STAT6: variants seen among roughly 807,000 people sequenced by gnomAD.
The protein encoded by STAT6 is STAT, interleukin4-induced.
A neutral mutation model predicts 106.3 loss-of-function variants in STAT6; 45 were observed. The ratio of observed to expected loss-of-function variants is 0.42; its 90% confidence interval spans 0.33 to 0.54. The LOEUF (loss-of-function observed/expected upper bound fraction) is 0.54. Among genes scored for constraint, STAT6 ranks in the 20% least tolerant of loss-of-function variants. The pLI, the probability that STAT6 is intolerant of heterozygous loss-of-function variation, is 0.06. For missense variants in STAT6, 797 were observed against 1,062.2 expected, an observed-to-expected ratio of 0.75 and a Z score of 3.47; for synonymous variants, 413 against 413.6, an observed-to-expected ratio of 1.00 and a Z score of 0.02.
rs1468782823 is a variant in STAT6 at position 57,099,184 on chromosome 12, T to A, written c.1892-106A>T. The A allele has an allele frequency of 1.3e-6, 2 of 1,594,808 alleles. No homozygotes were observed. Among genetic ancestry groups the A allele is most frequent in the African/African-American group, 2.7e-5 (2 of 74,512 alleles). ...TGGGGAAGTAAGAGAAGCACAGCTA[T>A]GAAATAGGGAGTGACATCAGGATGA... On this transcript the variant is annotated intron_variant, in intron 16 of 21. Transcript: ENST00000300134. The surrounding 1 kb of genome is among the most constrained non-coding windows in gnomAD (Gnocchi z 4.7).
rs2034136442 is a variant in STAT6, at chr12:57,104,300, T to A, written c.1212+164A>T. The A allele has an allele frequency of 7.1e-6, 7 of 986,954 alleles. No individual in the cohort carries two copies. In the South Asian group the frequency reaches 1.1e-4, roughly 16 times the overall value. The allele number at this position is 986,954 out of a possible 1,614,324, so 61.1% of individuals were successfully genotyped here. On this transcript the variant is annotated intron_variant, in intron 11 of 21. Transcript: ENST00000300134. Reference sequence around the variant, plus strand: ...CACTACCATTCCCTGCCCTGTGCACTCCATGCTCTTGCTCACCCCCACTCA... The same window carrying A: ...CACTACCATTCCCTGCCCTGTGCACACCATGCTCTTGCTCACCCCCACTCA...
intron 13 of STAT6, among the ~76,000 whole-genome samples, chr12:57,101,516 G>A (rs1003484517): frequency 3.3e-5 from 5 of 149,738 alleles, no homozygotes; most frequent in Non-Finnish European, 7.4e-5. Context: ...AGACGCAAAC[G>A]ACCACTCCTG....
Position 57,096,486 on chromosome 12 carries a change from G to C in STAT6, c.*86C>G. ...TAGGAGGGCACCCTCCCCATCTGCT[G>C]CTTGGCAGGGCATGAGCAAGTGTCC... On this transcript the variant is annotated 3_prime_UTR_variant, in exon 22 of 22. Transcript: ENST00000300134. 1 of 1,354,044 alleles carries C rather than the reference G, an allele frequency of 7.4e-7. No homozygotes were observed. The highest frequency in any genetic ancestry group is 1.0e-6 in the Non-Finnish European group (1 of 994,396). The allele number at this position is 1,354,044 out of a possible 1,614,324, so 83.9% of individuals were successfully genotyped here.
rs778117166 is a variant in STAT6 at position 57,099,918 on chromosome 12, G to A, written c.1608-15C>T. 4 of 1,614,134 alleles carry A rather than the reference G, an allele frequency of 2.5e-6. No homozygotes were observed. Among genetic ancestry groups the A allele is most frequent in the African/African-American group, 2.7e-5 (2 of 74,938 alleles). On this transcript the variant is annotated splice_polypyrimidine_tract_variant and intron_variant, in intron 14 of 21. Coordinates refer to ENST00000300134, the MANE Select transcript of STAT6 (RefSeq NM_003153.5). This position sits in a 1 kb window ranked among gnomAD's most constrained non-coding sequence, Gnocchi z 4.7. The stretch of plus-strand genomic sequence containing the variant: ...CAATGATCAGCCTGGCCGGGATGAA[G>A]GAGAGGATGGGGCATGGGCAGTGAG...
rs374780089 is a variant in STAT6, at chr12:57,098,800, T to C, written c.2058A>G (p.Pro686=). ...TCTTTCCAGCTCCTTACACCATATCTGGGCCAAGCTGCATGCTCATGGAGG... is the reference window on the plus strand; with the variant it reads ...TCTTTCCAGCTCCTTACACCATATCCGGGCCAAGCTGCATGCTCATGGAGG... ...PDSSMSMQLG[P]DMVPQVYPPH... Residue 686 remains proline (P), a synonymous_variant, in exon 18 of 22, where the codon CCA becomes CCG. Coordinates refer to ENST00000300134, the MANE Select transcript of STAT6 (RefSeq NM_003153.5). 3.7e-6 allele frequency: 6 copies of C among 1,613,624 alleles called. No homozygotes were observed. The African/African-American group carries it at 8.0e-5, about 22-fold the overall frequency.
chr12:57,099,728 A>C lies in STAT6; in HGVS notation c.1744+39T>G. ...ATTCCCAGAAGAAACCCCAGAGGGC[A>C]CAGGCACAGAGACAGAGGACTGGCT... On this transcript the variant is annotated intron_variant, in intron 15 of 21. Transcript: ENST00000300134. This position sits in a 1 kb window ranked among gnomAD's most constrained non-coding sequence, Gnocchi z 4.7. 6.2e-7 allele frequency: 1 copy of C among 1,612,798 alleles called. No individual in the cohort carries two copies. Among genetic ancestry groups the C allele is most frequent in the Non-Finnish European group, 8.5e-7 (1 of 1,179,292 alleles).
In STAT6 at chr12:57,096,463, G is replaced by C. The variant is rs1312091141; in HGVS notation, c.*109C>G. On this transcript the variant is annotated 3_prime_UTR_variant, in exon 22 of 22. Transcript: ENST00000300134. ...CCTGACCCAGGAGTAGGTGGGGATAGGAGGGCACCCTCCCCATCTGCTGCT... is the reference window on the plus strand; with the variant it reads ...CCTGACCCAGGAGTAGGTGGGGATACGAGGGCACCCTCCCCATCTGCTGCT... 2.7e-6 allele frequency: 3 copies of C among 1,115,146 alleles called. No individual in the cohort carries two copies. Among genetic ancestry groups the C allele is most frequent in the Non-Finnish European group, 3.8e-6 (3 of 779,784 alleles). 69.1% of individuals were successfully genotyped at this position (1,115,146 alleles called of 1,614,324 possible). A position where few individuals can be genotyped will look rare whatever the true frequency, so the allele number is the denominator to read the frequency against.
At position 57,098,862 on chromosome 12, in the gene STAT6, T is replaced by A; in HGVS notation, c.1996A>T (p.Met666Leu). Reference protein sequence around the residue: ...LPTPELQMPTMVPSYDLGMAP... With the variant: ...LPTPELQMPTLVPSYDLGMAP... ...ATTCCAAGGTCATAAGAAGGCACCA[T>A]GGTAGGCATCTGGAGCTCTGGGGTA... Residue 666 changes from methionine to leucine, a missense_variant, in exon 18 of 22, where the codon ATG becomes TTG. By Grantham distance (15) the Met-to-Leu change is conservative (BLOSUM62 2). Coordinates refer to ENST00000300134, the MANE Select transcript of STAT6 (RefSeq NM_003153.5). 2 of 1,613,524 alleles carry A rather than the reference T, an allele frequency of 1.2e-6. No individual in the cohort carries two copies. The highest frequency in any genetic ancestry group is 1.7e-6 in the Non-Finnish European group (2 of 1,179,804).
At chr12:57,110,144 T>C (rs1038541240) in intron 1 of STAT6, 1 of 152,098 alleles carries the variant, frequency 6.6e-6, no homozygotes, top group Non-Finnish European at 1.5e-5. Flanking sequence ...CTGGAGTGAG[T>C]GGGCACCGCT....
At chr12:57,102,751 C>T in intron 12 of STAT6, 78 bp downstream of exon 12, 3 of 1,222,476 alleles carry the variant, frequency 2.5e-6, no homozygotes, top group Non-Finnish European at 3.6e-6. Flanking sequence ...GCCCACCACC[C>T]CATCAGCAGG....
chr12:57,099,569 G>A lies in STAT6; in HGVS notation c.1745-129C>T, dbSNP rs2033682120. ...AGGACCTAGGGTGGGGCTCCTGAGG[G>A]AGAGAGACCCACTAGTCTCCGTTCC... On this transcript the variant is annotated intron_variant, in intron 15 of 21. Transcript: ENST00000300134. This position sits in a 1 kb window ranked among gnomAD's most constrained non-coding sequence, Gnocchi z 4.7. 17 of 1,404,968 alleles carry A rather than the reference G, an allele frequency of 1.2e-5. No individual in the cohort carries two copies. In the South Asian group the frequency reaches 2.2e-4, roughly 18 times the overall value. 87.0% of individuals were successfully genotyped at this position (1,404,968 alleles called of 1,614,324 possible).
In STAT6 at chr12:57,106,304, C is replaced by G. The variant is rs147012705; in HGVS notation, c.567G>C (p.Glu189Asp). 8 of 1,614,136 alleles carry G rather than the reference C, an allele frequency of 5.0e-6. No homozygotes were observed. The African/African-American group carries it at 8.0e-5, about 16-fold the overall frequency. ...LAMLLQETTG[E>D]LEAAKALVLK... ...GCACTAGGGCTTTGGCTGCCTCTAGCTCTCCAGTGGTCTCCTGCAGTAGCA... is the reference window on the plus strand; with the variant it reads ...GCACTAGGGCTTTGGCTGCCTCTAGGTCTCCAGTGGTCTCCTGCAGTAGCA... Residue 189 changes from glutamate (E) to aspartate (D), a missense_variant, in exon 7 of 22, where the codon GAG (glutamate) becomes GAC (aspartate). Coordinates refer to ENST00000300134, the MANE Select transcript of STAT6 (RefSeq NM_003153.5).
chr12:57,096,550 T>G lies in STAT6; in HGVS notation c.*22A>C. 4 of 1,554,666 alleles carry G rather than the reference T, an allele frequency of 2.6e-6. No individual in the cohort carries two copies. Among genetic ancestry groups the G allele is most frequent in the Non-Finnish European group, 3.5e-6 (4 of 1,153,832 alleles). On this transcript the variant is annotated 3_prime_UTR_variant, in exon 22 of 22. Transcript: ENST00000300134. ...GGGGGTAGTAGAAGAGCTGTCTCTT[T>G]GGGTTCTCCCTCCAGCTGGGATCAC...
rs58220068 is a variant in STAT6 at position 57,097,889 on chromosome 12, C to CAA, written c.2159+614_2159+615dup. On this transcript the variant is annotated intron_variant, in intron 19 of 21. Transcript: ENST00000300134. ...CACTCCAGTGAGTGAGACCCTGTCTCAAAAAAAAAAAATTATAATCAAGCT... is the reference window on the plus strand; with the variant it reads ...CACTCCAGTGAGTGAGACCCTGTCTCAAAAAAAAAAAAAATTATAATCAAGCT... 6.6e-3 allele frequency among the ~76,000 whole-genome samples: 961 copies of CAA among 145,366 alleles called. 16 individuals are homozygous for CAA. Among genetic ancestry groups the CAA allele is most frequent in the East Asian group, 0.035 (175 of 5,052 alleles).
intron 8 of STAT6, 42 bp from the exon 9 acceptor site, chr12:57,105,381 C>A (rs1191011486): frequency 1.2e-6 from 2 of 1,609,372 alleles, no homozygotes; most frequent in Admixed American, 1.7e-5. Context: ...GGGCTAGGTC[C>A]CTGCTGGTGC....
chr12:57,103,759 GT>G (rs914403135), intron 11 of STAT6: 15 of 151,746 alleles, frequency 9.9e-5, no homozygotes, highest in African/African-American at 3.4e-4. Flanking sequence ...TGGAGACGGG[GT>G]TTCACCATAT....
rs1222343161 is a variant in STAT6 at position 57,096,269 on chromosome 12, ATG to A, written c.*301_*302del. 5.8e-6 allele frequency: 2 copies of A among 342,478 alleles called. No homozygotes were observed. Among genetic ancestry groups the A allele is most frequent in the South Asian group, 4.4e-5 (1 of 22,610 alleles). 21.2% of individuals were successfully genotyped at this position (342,478 alleles called of 1,614,324 possible). On this transcript the variant is annotated 3_prime_UTR_variant, in exon 22 of 22. Transcript: ENST00000300134. The stretch of plus-strand genomic sequence containing the variant: ...CCCCATCACCCTCAGAGAGCTCTGT[ATG>A]TGTGTGTGCGTGCGTGTGCGCGCTG...
At chr12:57,104,933 GTTC>G in intron 9 of STAT6, 120 bp from the exon 10 acceptor site, 1 of 1,301,582 alleles carries the variant, frequency 7.7e-7, no homozygotes, top group Non-Finnish European at 1.1e-6. Context: ...CTCTGTTTGG[GTTC>G]TTAAGGGAGG....
Position 57,105,136 on chromosome 12 carries a change from C to T in STAT6, c.1001+15G>A. ...TAACAGCCCTTCTCCAACCCCAGGT[C>T]CAATCCCAGCTTACGCTCCAGCCCC... On this transcript the variant is annotated intron_variant, in intron 9 of 21. Transcript: ENST00000300134. 1 of 1,602,954 alleles carries T rather than the reference C, an allele frequency of 6.2e-7. No homozygotes were observed. The highest frequency in any genetic ancestry group is 1.1e-5 in the South Asian group (1 of 90,378).
Sources: allele counts gnomAD v4.1 joint callset (sites outside exome capture counted in the v4.1 genomes callset), GRCh38; gene constraint gnomAD v4.1.1; non-coding constraint Gnocchi (gnomAD v3.1); transcripts MANE v1.5; gene names NCBI Gene and HGNC (gene_info 2026-07-23, HGNC 2026-07-21).